The following RAD51B variants were observed in gnomAD, a reference collection of about 807,000 sequenced individuals.
The protein encoded by RAD51B is DNA repair protein RAD51 homolog 2.
A neutral mutation model predicts 42.2 loss-of-function variants in RAD51B; 38 were observed. The ratio of observed to expected loss-of-function variants is 0.90; its 90% CI spans 0.70 to 1.18. The LOEUF is 1.18. Among genes scored for constraint, RAD51B ranks in the 50% most tolerant of loss-of-function variants. The pLI is 0.00. For synonymous variants in RAD51B, 154 were observed against 145.2 expected, an observed-to-expected ratio of 1.06 and a Z score of -0.43; for missense variants, 373 against 400.7, an observed-to-expected ratio of 0.93 and a Z score of 0.59.
intron 7 of RAD51B, among the ~76,000 whole-genome samples, chr14:67,951,715 A>C (rs2074453415): frequency 6.6e-6 from 1 of 152,216 alleles, no homozygotes; most frequent in Non-Finnish European, 1.5e-5. Context: ...TAACATATAA[A>C]TCATAACTGA....
chr14:68,005,111 A>G (rs12437276), intron 7 of RAD51B, among the ~76,000 whole-genome samples: 24,027 of 136,490 alleles, frequency 0.18, 2,249 homozygotes, highest in Middle Eastern at 0.37. Flanking sequence ...CTGGAGTGCA[A>G]TGGCAGATCT....
At chr14:68,416,080 G>A (rs1047958037) in intron 9 of RAD51B, among the ~76,000 whole-genome samples, 1 of 152,196 alleles carries the variant, frequency 6.6e-6, no homozygotes, top group Non-Finnish European at 1.5e-5. Flanking sequence ...GAAGTACCTA[G>A]TAAATTGTTG....
intron 7 of RAD51B, among the ~76,000 whole-genome samples, chr14:68,010,168 T>C (rs1447008167): frequency 6.6e-6 from 1 of 151,908 alleles, no homozygotes; most frequent in African/African-American, 2.4e-5. Flanking sequence ...TTAAATGATA[T>C]TCAAATCTCT....
At chr14:68,508,470 A>T (rs929581399) in intron 10 of RAD51B, among the ~76,000 whole-genome samples, 26 of 152,234 alleles carry the variant, frequency 1.7e-4, no homozygotes, top group African/African-American at 6.0e-4. Context: ...TGTTAGCTAG[A>T]GACCGTTGCA....
chr14:68,240,912 C>G (rs138674810), intron 7 of RAD51B, among the ~76,000 whole-genome samples: 6 of 152,360 alleles, frequency 3.9e-5, no homozygotes, highest in African/African-American at 1.4e-4. Context: ...CCTACATTAT[C>G]TTATTAAGCT....
intron 8 of RAD51B, among the ~76,000 whole-genome samples, chr14:68,408,223 A>G (rs1438867224): frequency 6.6e-6 from 1 of 152,236 alleles, no homozygotes; most frequent in Non-Finnish European, 1.5e-5. Flanking sequence ...CAGTTAAATC[A>G]GTAAGACCTC....
At position 68,494,279 on chromosome 14, in the gene RAD51B, CAAAAA is replaced by C. The variant is rs3074525; in HGVS notation, c.1036+26044_1036+26048del. Among the ~76,000 whole-genome samples the C allele has an allele frequency of 6.6e-3, 808 of 123,070 alleles. 8 individuals are homozygous for C. The highest frequency in any genetic ancestry group is 0.022 in the African/African-American group (764 of 35,166). The allele number at this position is 123,070 out of a possible 152,430, so 80.7% of individuals were successfully genotyped here. ...TGGGCGACAGAGTGAGATTCCGTCT[CAAAAA>C]AAAAAAAAAAAAAATGACCAATTTC... On this transcript the variant is annotated intron_variant, in intron 10 of 10. Transcript: ENST00000487270.
chr14:68,308,098 C>T (rs1023991449), intron 8 of RAD51B, among the ~76,000 whole-genome samples: 3 of 151,994 alleles, frequency 2.0e-5, no homozygotes, highest in African/African-American at 7.3e-5. Flanking sequence ...GAGGAATGTA[C>T]GGTGGATGGT....
At chr14:68,048,158 C>T (rs1171740845) in intron 7 of RAD51B, among the ~76,000 whole-genome samples, 7 of 152,144 alleles carry the variant, frequency 4.6e-5, no homozygotes, top group Non-Finnish European at 1.5e-5. Context: ...TTAAGATCGG[C>T]CCGCCTAAAG....
chr14:67,893,166 AG>A (rs2043270664), intron 7 of RAD51B, among the ~76,000 whole-genome samples: 2 of 152,094 alleles, frequency 1.3e-5, no homozygotes, highest in South Asian at 4.1e-4. Context: ...GATGTATTGT[AG>A]TTAATAGTAT....
At chr14:68,039,522 T>C (rs1448851856) in intron 7 of RAD51B, among the ~76,000 whole-genome samples, 1 of 152,090 alleles carries the variant, frequency 6.6e-6, no homozygotes, top group African/African-American at 2.4e-5. Context: ...CAGGACAGTA[T>C]TTGAAAACTA....
At chr14:67,958,007 A>G (rs2140222542) in intron 7 of RAD51B, among the ~76,000 whole-genome samples, 1 of 152,348 alleles carries the variant, frequency 6.6e-6, no homozygotes, top group African/African-American at 2.4e-5. Context: ...TGTATTATAC[A>G]AAATACATTG....
At chr14:67,894,303 A>G (rs766890555) in intron 7 of RAD51B, among the ~76,000 whole-genome samples, 1 of 152,236 alleles carries the variant, frequency 6.6e-6, no homozygotes, top group African/African-American at 2.4e-5. Context: ...CTCAGAAGGA[A>G]GAATCATGTC....
chr14:68,677,370 C>T (rs542091716), intron 11 of RAD51B, among the ~76,000 whole-genome samples: 94 of 152,312 alleles, frequency 6.2e-4, no homozygotes, highest in African/African-American at 2.0e-3. Context: ...TGCTCCGGCC[C>T]GGGCCTCTTC....
chr14:68,452,736 C>T (rs184214811), intron 9 of RAD51B, among the ~76,000 whole-genome samples: 33 of 151,962 alleles, frequency 2.2e-4, no homozygotes, highest in African/African-American at 7.0e-4. Flanking sequence ...GTTCCTATGA[C>T]GTACCGCATT....
intron 7 of RAD51B, among the ~76,000 whole-genome samples, chr14:68,048,203 A>G (rs559251189): frequency 1.3e-5 from 2 of 152,276 alleles, no homozygotes; most frequent in South Asian, 4.1e-4. Context: ...GATGATGAGC[A>G]TTTTTTCATG....
intron 7 of RAD51B, among the ~76,000 whole-genome samples, chr14:67,914,323 T>C (rs1002500190): frequency 2.0e-5 from 3 of 152,144 alleles, no homozygotes; most frequent in African/African-American, 7.2e-5. Context: ...AGTGAGAACA[T>C]GTGAAGTTTG....
chr14:68,045,052 C>G (rs1050736944), intron 7 of RAD51B, among the ~76,000 whole-genome samples: 10 of 151,928 alleles, frequency 6.6e-5, no homozygotes, highest in African/African-American at 2.2e-4. Flanking sequence ...CCAGCCTCAT[C>G]ATGGAGAAAC....
chr14:68,229,477 C>T (rs1357598620), intron 7 of RAD51B, among the ~76,000 whole-genome samples: 1 of 152,190 alleles, frequency 6.6e-6, no homozygotes, highest in Non-Finnish European at 1.5e-5. Flanking sequence ...GAAGATGCCT[C>T]TGGCTTACTC....
Sources: allele counts gnomAD v4.1 joint callset (sites outside exome capture counted in the v4.1 genomes callset), GRCh38; gene constraint gnomAD v4.1.1; transcripts MANE v1.5; gene names NCBI Gene and HGNC (gene_info 2026-07-23, HGNC 2026-07-21).